Variants in CNTNAP2 observed in about 807,000 individuals in gnomAD.
CNTNAP2 encodes contactin associated protein 2, also known as contactin-associated protein-like 2.
In CNTNAP2, 98 loss-of-function variants were observed where a neutral mutation model predicts 155.2. The observed-to-expected ratio is 0.63, with a 90% CI of 0.54 to 0.75. The LOEUF (loss-of-function observed/expected upper bound fraction) is 0.75, where lower values mean the gene tolerates loss of function less well. CNTNAP2 is among the 30% of genes least tolerant of loss of function. The probability of loss-of-function intolerance (pLI) is 0.00; values close to 1 mark genes in which losing one functional copy is unlikely to be tolerated. For synonymous variants in CNTNAP2, 651 were observed against 631.2 expected (o/e 1.03, Z -0.47); for missense variants, 1,727 against 1,688.1 (o/e 1.02, Z -0.40).
chr7:146,648,993 GA>G (rs1799861917), intron 1 of CNTNAP2, among the ~76,000 whole-genome samples: 2 of 152,006 alleles, frequency 1.3e-5, no homozygotes, highest in African/African-American at 2.4e-5. Context: ...GAAGAAGACA[GA>G]AAAAAATTTT....
intron 13 of CNTNAP2, among the ~76,000 whole-genome samples, chr7:147,718,812 A>G (rs1204687367): frequency 6.6e-6 from 1 of 152,200 alleles, no homozygotes; most frequent in African/African-American, 2.4e-5. Flanking sequence ...AGCCCAATGT[A>G]ATAATGGCTT....
intron 1 of CNTNAP2, among the ~76,000 whole-genome samples, chr7:146,557,353 G>T (rs991561933): frequency 7.2e-5 from 11 of 152,030 alleles, no homozygotes; most frequent in African/African-American, 2.7e-4. Context: ...AACCGCTAAT[G>T]ATCATTTTTT....
intron 13 of CNTNAP2, among the ~76,000 whole-genome samples, chr7:147,896,240 T>G (rs1159439009): frequency 1.3e-5 from 2 of 152,076 alleles, no homozygotes; most frequent in Non-Finnish European, 2.9e-5. Context: ...TAAGAGTCCC[T>G]CTCTACTGTA....
chr7:147,721,189 A>ATGTTGT (rs377106469), intron 13 of CNTNAP2, among the ~76,000 whole-genome samples: 1 of 151,712 alleles, frequency 6.6e-6, no homozygotes, highest in East Asian at 1.9e-4. Context: ...GCTGGTTTCT[A>ATGTTGT]TGTTGTTGTT....
chr7:147,057,965 C>A lies in CNTNAP2; in HGVS notation c.550+13911C>A, dbSNP rs59454844. Among the ~76,000 whole-genome samples, 91 of 152,126 alleles carry A rather than the reference C, an allele frequency of 6.0e-4. No homozygotes were observed. In the East Asian group the frequency reaches 0.016, roughly 27 times the overall value. On this transcript the variant is annotated intron_variant, in intron 4 of 23. Coordinates refer to ENST00000361727, the MANE Select transcript of CNTNAP2 (RefSeq NM_014141.6). The stretch of plus-strand genomic sequence containing the variant: ...GCAGATAAAAATACTATTATGTCAC[C>A]TCATCAGCATAAATATTGCAAAAGA...
intron 15 of CNTNAP2, among the ~76,000 whole-genome samples, chr7:148,050,993 C>T (rs1802879242): frequency 6.6e-6 from 1 of 152,104 alleles, no homozygotes; most frequent in Non-Finnish European, 1.5e-5. Flanking sequence ...AACAAAATTG[C>T]CTAGAGACAC....
chr7:146,186,571 T>C (rs970208945), intron 1 of CNTNAP2, among the ~76,000 whole-genome samples: 1 of 152,206 alleles, frequency 6.6e-6, no homozygotes, highest in Non-Finnish European at 1.5e-5. Context: ...ATCACTTTTA[T>C]AGTGTCTTGC....
At chr7:146,916,824 T>A (rs1382869827) in intron 3 of CNTNAP2, among the ~76,000 whole-genome samples, 3 of 152,192 alleles carry the variant, frequency 2.0e-5, no homozygotes, top group African/African-American at 7.2e-5. Context: ...CATTTAGTTC[T>A]GCTCTGATCT....
chr7:147,289,422 G>A (rs1353761780), intron 8 of CNTNAP2, among the ~76,000 whole-genome samples: 2 of 151,496 alleles, frequency 1.3e-5, no homozygotes, highest in East Asian at 3.9e-4. Context: ...AAACAGGAGA[G>A]ACAATTGGGG....
At chr7:147,546,875 T>C (rs1299223836) in intron 11 of CNTNAP2, among the ~76,000 whole-genome samples, 2 of 152,150 alleles carry the variant, frequency 1.3e-5, no homozygotes, top group Non-Finnish European at 2.9e-5. Context: ...TTTACCAGAT[T>C]TTTGGCATAT....
At chr7:147,872,452 C>T (rs1431259488) in intron 13 of CNTNAP2, among the ~76,000 whole-genome samples, 1 of 152,128 alleles carries the variant, frequency 6.6e-6, no homozygotes, top group African/African-American at 2.4e-5. Flanking sequence ...ATTACCTTTG[C>T]CTAGCATTCT....
intron 18 of CNTNAP2, among the ~76,000 whole-genome samples, chr7:148,212,139 T>TG (rs1171359687): frequency 7.7e-6 from 1 of 130,544 alleles, no homozygotes; most frequent in African/African-American, 2.7e-5. Flanking sequence ...CTGTTTTTTG[T>TG]GGGTTTTTTT....
At chr7:148,188,310 A>G (rs146239990) in intron 18 of CNTNAP2, among the ~76,000 whole-genome samples, 208 of 152,280 alleles carry the variant, frequency 1.4e-3, no homozygotes, top group African/African-American at 4.8e-3. Flanking sequence ...TAATACCTCA[A>G]TGTGGACGGA....
chr7:146,591,886 C>A (rs1798788780), intron 1 of CNTNAP2, among the ~76,000 whole-genome samples: 1 of 152,174 alleles, frequency 6.6e-6, no homozygotes, highest in Admixed American at 6.6e-5. Flanking sequence ...TGAAACTTAA[C>A]CTGCCTCAAA....
At chr7:147,775,769 A>G (rs540203747) in intron 13 of CNTNAP2, among the ~76,000 whole-genome samples, 1 of 152,190 alleles carries the variant, frequency 6.6e-6, no homozygotes, top group East Asian at 1.9e-4. Context: ...CTATTAGAAC[A>G]TGTGCATGTT....
intron 13 of CNTNAP2, among the ~76,000 whole-genome samples, chr7:147,859,484 A>C (rs1799102092): frequency 6.6e-6 from 1 of 151,914 alleles, no homozygotes; most frequent in African/African-American, 2.4e-5. Flanking sequence ...CAAGTTTGTA[A>C]GCTGTCTCAC....
intron 3 of CNTNAP2, among the ~76,000 whole-genome samples, chr7:146,923,774 C>G (rs1003179366): frequency 6.6e-6 from 1 of 152,114 alleles, no homozygotes; most frequent in Non-Finnish European, 1.5e-5. Flanking sequence ...AGATCTCTCT[C>G]GATCTTTATG....
chr7:146,728,315 T>G (rs1218855286), intron 1 of CNTNAP2, among the ~76,000 whole-genome samples: 3 of 151,558 alleles, frequency 2.0e-5, no homozygotes, highest in African/African-American at 7.3e-5. Flanking sequence ...AATGAGGGAG[T>G]GGGGAGGTCA....
intron 13 of CNTNAP2, among the ~76,000 whole-genome samples, chr7:147,761,103 A>T (rs1331509435): frequency 6.6e-6 from 1 of 152,192 alleles, no homozygotes; most frequent in Non-Finnish European, 1.5e-5. Flanking sequence ...TACCAGAGAA[A>T]ATCAATAAAC....
Sources: gnomAD v4.1 joint callset for allele counts (sites outside exome capture counted in the v4.1 genomes callset) on GRCh38, gnomAD v4.1.1 for gene constraint, MANE v1.5 for transcripts, NCBI Gene and HGNC (gene_info 2026-07-23, HGNC 2026-07-21) for gene names.